FNDC5: variants seen among roughly 807,000 people sequenced by gnomAD.
The protein encoded by FNDC5 is fibronectin type III domain containing 5.
Under a neutral mutation model 24.6 loss-of-function variants are expected in FNDC5, and 10 were observed. That is an observed-to-expected ratio of 0.41 (90% CI 0.25 to 0.69). The LOEUF is 0.69. Ranked by LOEUF, FNDC5 falls within the 30% of genes least tolerant of loss-of-function variation. The probability of loss-of-function intolerance (pLI) is 0.34; values close to 1 mark genes in which losing one functional copy is unlikely to be tolerated. For synonymous variants in FNDC5, 90 were observed against 110.7 expected (o/e 0.81, Z 1.18); for missense variants, 226 against 282.9 (o/e 0.80, Z 1.44).
In FNDC5 at chr1:32,868,568, GGCCACACATCTAGTAA is replaced by G. The variant is rs1283705493; in HGVS notation, c.211-196_211-181del. Among the ~76,000 whole-genome samples the G allele has an allele frequency of 6.6e-6, 1 of 152,080 alleles. No individual in the cohort carries two copies. The highest frequency in any genetic ancestry group is 2.4e-5 in the African/African-American group (1 of 41,404). ...CAGAGAGGTTGGGGAAGTTGCCCAA[GGCCACACATCTAGTAA>G]GCACTGGAGCTAGGTCCTAAATGCA... On this transcript the variant is annotated intron_variant, in intron 2 of 5. Coordinates refer to ENST00000373471, the MANE Select transcript of FNDC5 (RefSeq NM_153756.3). The surrounding 1 kb of genome is among the most constrained non-coding windows in gnomAD (Gnocchi z 4.8).
chr1:32,870,765 C>G lies in FNDC5; in HGVS notation c.-19G>C, dbSNP rs1422153639. ...GGTGTATGGTGGCTCCTCCGGCCGG[C>G]AGGCCCGGGGCGGCGCAGGGGGACG... On this transcript the variant is annotated 5_prime_UTR_variant, in exon 1 of 6. Transcript: ENST00000373471. 2.3e-5 allele frequency: 25 copies of G among 1,065,162 alleles called. No homozygotes were observed. The highest frequency in any genetic ancestry group is 2.3e-5 in the Non-Finnish European group (20 of 880,756). The allele number at this position is 1,065,162 out of a possible 1,614,324, so 66.0% of individuals were successfully genotyped here. A position where few individuals can be genotyped will look rare whatever the true frequency, so the allele number is the denominator to read the frequency against.
At position 32,870,733 on chromosome 1, in the gene FNDC5, G is replaced by C; in HGVS notation, c.14C>G (p.Ser5Trp). Residue 5 changes from serine to tryptophan, a missense_variant, in exon 1 of 6, where the codon TCG becomes TGG. By Grantham distance (177) the Ser-to-Trp change is radical. Transcript: ENST00000373471. ...GGCGCGGGGCGGCCAGGCGCTCGGC[G>C]ACCCGGGGTGTATGGTGGCTCCTCC... 3 of 1,162,930 alleles carry C rather than the reference G, an allele frequency of 2.6e-6. No homozygotes were observed. The highest frequency in any genetic ancestry group is 2.1e-6 in the Non-Finnish European group (2 of 944,452). 72.0% of individuals were successfully genotyped at this position (1,162,930 alleles called of 1,614,324 possible).
Position 32,863,305 on chromosome 1 carries a change from G to T in FNDC5, c.*989C>A. On this transcript the variant is annotated 3_prime_UTR_variant, in exon 6 of 6. Transcript: ENST00000373471. ...TCACACCACAAACATGTCCTTGATG[G>T]CTGGATCCAGAAAAGGCTTGATGGC... 5.9e-6 allele frequency: 1 copy of T among 170,922 alleles called. No homozygotes were observed. Among genetic ancestry groups the T allele is most frequent in the Non-Finnish European group, 1.3e-5 (1 of 78,026 alleles). The allele number at this position is 170,922 out of a possible 1,614,324, so 10.6% of individuals were successfully genotyped here. A position where few individuals can be genotyped will look rare whatever the true frequency, so the allele number is the denominator to read the frequency against.
At position 32,868,038 on chromosome 1, in the gene FNDC5, C is replaced by T; in HGVS notation, c.409+152G>A. ...GGAGTTTATATGCTCAGCGTCTTGT[C>T]AGGGACTAGCGTGAACCCTCTCTCA... is the stretch of plus-strand genomic sequence containing the variant. On this transcript the variant is annotated intron_variant, in intron 3 of 5. Transcript: ENST00000373471. The surrounding 1 kb of genome is among the most constrained non-coding windows in gnomAD (Gnocchi z 4.8). 9.4e-7 allele frequency: 1 copy of T among 1,059,470 alleles called. No individual in the cohort carries two copies. Among genetic ancestry groups the T allele is most frequent in the Non-Finnish European group, 1.4e-6 (1 of 712,658 alleles). 65.6% of individuals were successfully genotyped at this position (1,059,470 alleles called of 1,614,324 possible). A position where few individuals can be genotyped will look rare whatever the true frequency, so the allele number is the denominator to read the frequency against.
chr1:32,868,396 C>T lies in FNDC5; in HGVS notation c.211-8G>A. Reference sequence around the variant, plus strand: ...CATCCGCACATCCTTCTTCTGCAGACAAGCGCCGGTCACTGCTGTCAACAC... The same window carrying T: ...CATCCGCACATCCTTCTTCTGCAGATAAGCGCCGGTCACTGCTGTCAACAC... On this transcript the variant is annotated splice_region_variant and splice_polypyrimidine_tract_variant and intron_variant, in intron 2 of 5. Coordinates refer to ENST00000373471, the MANE Select transcript of FNDC5 (RefSeq NM_153756.3). This position sits in a 1 kb window ranked among gnomAD's most constrained non-coding sequence, Gnocchi z 4.8. The T allele has an allele frequency of 6.2e-7, 1 of 1,612,182 alleles. No homozygotes were observed. The highest frequency in any genetic ancestry group is 8.5e-7 in the Non-Finnish European group (1 of 1,178,668).
At chr1:32,866,656 A>G (rs1641075915) in intron 4 of FNDC5, among the ~76,000 whole-genome samples, 2 of 152,114 alleles carry the variant, frequency 1.3e-5, no homozygotes, top group Non-Finnish European at 2.9e-5. Flanking sequence ...ACATGGTACT[A>G]TCATAGCACT....
intron 5 of FNDC5, 128 bp from the exon 6 acceptor site, chr1:32,864,427 C>A: frequency 6.7e-7 from 1 of 1,502,212 alleles, no homozygotes. Context: ...GAATTCTGCC[C>A]TCCCCACTCA....
In FNDC5 at chr1:32,868,136, G is replaced by A. The variant is rs1407460054; in HGVS notation, c.409+54C>T. The A allele has an allele frequency of 1.0e-5, 16 of 1,595,108 alleles. No individual in the cohort carries two copies. The highest frequency in any genetic ancestry group is 2.0e-4 in the Middle Eastern group (1 of 4,948). ...TTTCCTCAAGCCACCCACTGGTCTG[G>A]TCCTGACCACCCCTCACCCCACCCC... On this transcript the variant is annotated intron_variant, in intron 3 of 5. Transcript: ENST00000373471. The surrounding 1 kb of genome is among the most constrained non-coding windows in gnomAD (Gnocchi z 4.8).
chr1:32,866,873 T>C (rs1340122727), intron 4 of FNDC5, among the ~76,000 whole-genome samples: 1 of 152,036 alleles, frequency 6.6e-6, no homozygotes, highest in Non-Finnish European at 1.5e-5. Flanking sequence ...AGTACAAAGA[T>C]GAATGAAACT....
At chr1:32,871,861 T>G (rs530778316), upstream of FNDC5, among the ~76,000 whole-genome samples, 6 of 152,252 alleles carry the variant, frequency 3.9e-5, no homozygotes, top group East Asian at 1.2e-3. Flanking sequence ...CCAGCCCCCT[T>G]CCCTCATCTC....
intron 1 of FNDC5, among the ~76,000 whole-genome samples, chr1:32,870,190 C>T (rs1641152815): frequency 6.6e-6 from 1 of 152,086 alleles, no homozygotes; most frequent in Non-Finnish European, 1.5e-5. Flanking sequence ...GCCCACCCCA[C>T]GCCCTGCGCC....
At chr1:32,869,353 A>G (rs148938096) in intron 1 of FNDC5, among the ~76,000 whole-genome samples, 29 of 152,348 alleles carry the variant, frequency 1.9e-4, no homozygotes, top group African/African-American at 6.5e-4. Flanking sequence ...CAGAAACTGA[A>G]GGTTAGCTGA....
chr1:32,865,248 C>T (rs1390578327), intron 4 of FNDC5, among the ~76,000 whole-genome samples: 4 of 151,914 alleles, frequency 2.6e-5, no homozygotes, highest in African/African-American at 7.2e-5. Context: ...TACAGGTATG[C>T]GCCACCACGT....
In FNDC5 at chr1:32,863,938, A is replaced by G; in HGVS notation, c.*356T>C. ...GAAAGAAAAGAGAAGCCCTGCCTGG[A>G]TGTCTTGTCTTTTTGCCTTTTCAAA... On this transcript the variant is annotated 3_prime_UTR_variant, in exon 6 of 6. Coordinates refer to ENST00000373471, the MANE Select transcript of FNDC5 (RefSeq NM_153756.3). 7.9e-7 allele frequency: 1 copy of G among 1,273,546 alleles called. No individual in the cohort carries two copies. The highest frequency in any genetic ancestry group is 1.0e-6 in the Non-Finnish European group (1 of 988,926). 78.9% of individuals were successfully genotyped at this position (1,273,546 alleles called of 1,614,324 possible).
chr1:32,864,552 G>A, intron 5 of FNDC5, 112 bp downstream of exon 5: 1 of 1,563,784 alleles, frequency 6.4e-7, no homozygotes. Context: ...GCCAAGTCTG[G>A]CTCTGCCCAG....
chr1:32,870,726 G>T lies in FNDC5; in HGVS notation c.21C>A (p.Ser7Arg), dbSNP rs1641165652. The T allele has an allele frequency of 8.5e-7, 1 of 1,171,900 alleles. No homozygotes were observed. The highest frequency in any genetic ancestry group is 4.2e-5 in the South Asian group (1 of 23,740). 72.6% of individuals were successfully genotyped at this position (1,171,900 alleles called of 1,614,324 possible). The change falls in exon 1 of 6, where the codon AGC becomes AGA. Residue 7 changes from serine to arginine, a missense_variant. By Grantham distance (110) the Ser-to-Arg change is moderately radical. Transcript: ENST00000373471. ...CGGCGCGGGCGCGGGGCGGCCAGGC[G>T]CTCGGCGACCCGGGGTGTATGGTGG...
intron 1 of FNDC5, among the ~76,000 whole-genome samples, chr1:32,869,877 C>T (rs981638628): frequency 1.3e-5 from 2 of 152,032 alleles, no homozygotes; most frequent in Non-Finnish European, 2.9e-5. Flanking sequence ...CCTCACCCCA[C>T]AGAGAGTGAA....
Position 32,868,420 on chromosome 1 carries a change from A to G in FNDC5, c.211-32T>C. The stretch of plus-strand genomic sequence containing the variant: ...ACAAGCGCCGGTCACTGCTGTCAAC[A>G]CTCGGTGACCAGCCCCGCTCCTGCC... On this transcript the variant is annotated intron_variant, in intron 2 of 5. Transcript: ENST00000373471. This position sits in a 1 kb window ranked among gnomAD's most constrained non-coding sequence, Gnocchi z 4.8. The G allele has an allele frequency of 6.2e-7, 1 of 1,600,732 alleles. No individual in the cohort carries two copies. The highest frequency in any genetic ancestry group is 1.1e-5 in the South Asian group (1 of 89,814).
Position 32,863,910 on chromosome 1 carries a change from G to T in FNDC5, c.*384C>A. 7.8e-7 allele frequency: 1 copy of T among 1,276,022 alleles called. No homozygotes were observed. The highest frequency in any genetic ancestry group is 1.0e-6 in the Non-Finnish European group (1 of 982,346). The allele number at this position is 1,276,022 out of a possible 1,614,324, so 79.0% of individuals were successfully genotyped here. A position where few individuals can be genotyped will look rare whatever the true frequency, so the allele number is the denominator to read the frequency against. On this transcript the variant is annotated 3_prime_UTR_variant, in exon 6 of 6. Transcript: ENST00000373471. ...TAAATAAGCCAAGCTCTTGTCCCTT[G>T]TGGAAAGAAAAGAGAAGCCCTGCCT...
Sources: allele counts gnomAD v4.1 joint callset (sites outside exome capture counted in the v4.1 genomes callset), GRCh38; gene constraint gnomAD v4.1.1; non-coding constraint Gnocchi (gnomAD v3.1); transcripts MANE v1.5; gene names NCBI Gene and HGNC (gene_info 2026-07-23, HGNC 2026-07-21).